COL6A5: variants seen among roughly 807,000 people sequenced by gnomAD.
COL6A5 encodes collagen type VI alpha 5 chain, also known as collagen alpha-5(VI) chain.
A neutral mutation model predicts 65.6 loss-of-function variants in COL6A5; 48 were observed. That is an observed-to-expected ratio of 0.73 (90% CI 0.58 to 0.93). The LOEUF (loss-of-function observed/expected upper bound fraction) is 0.93. Ranked by LOEUF, COL6A5 falls within the 40% of genes least tolerant of loss-of-function variation. The pLI is 0.00. For synonymous variants in COL6A5, 291 were observed against 322.8 expected, an observed-to-expected ratio of 0.90 and a Z score of 1.05; for missense variants, 914 against 928.3, an observed-to-expected ratio of 0.98 and a Z score of 0.20.
chr3:130,416,779 C>T (rs1296370900), exon 24 of COL6A5: 3 of 1,535,302 alleles, frequency 2.0e-6, no homozygotes, highest in East Asian at 5.0e-5. Context: ...CTAATGGGAG[C>T]TAAAGGGAGC....
intron 10 of COL6A5, among the ~76,000 whole-genome samples, chr3:130,400,507 A>G (rs1164431924): frequency 6.6e-6 from 1 of 152,272 alleles, no homozygotes; most frequent in Non-Finnish European, 1.5e-5. Context: ...AGATGAATTA[A>G]TGAATGAACT....
exon 3 of COL6A5, chr3:130,440,350 T>C: frequency 6.2e-7 from 1 of 1,613,496 alleles, no homozygotes; most frequent in Non-Finnish European, 8.5e-7. Context: ...TCTCAGACTC[T>C]GGTGATAGGA....
intron 1 of COL6A5, among the ~76,000 whole-genome samples, chr3:130,438,602 T>G (rs1374823917): frequency 6.6e-6 from 1 of 152,154 alleles, no homozygotes; most frequent in Non-Finnish European, 1.5e-5. Flanking sequence ...GCTGGAATGA[T>G]TATAAATATT....
At chr3:130,472,832 C>CAT (rs10654631) in intron 7 of COL6A5, among the ~76,000 whole-genome samples, 5,348 of 99,338 alleles carry the variant, frequency 0.054, 362 homozygotes, top group African/African-American at 0.15. Flanking sequence ...TGTGTGTATA[C>CAT]ATATATATAT....
At chr3:130,391,094 C>A in intron 6 of COL6A5, 85 bp from the exon 7 acceptor site, 1 of 923,596 alleles carries the variant, frequency 1.1e-6, no homozygotes. Context: ...AGGCTCATGG[C>A]AAATGCCAGT....
In COL6A5 at chr3:130,483,185, T is replaced by C. The variant is rs539408642; in HGVS notation, c.2329-850T>C. On this transcript the variant is annotated intron_variant, in intron 7 of 7. Coordinates refer to ENST00000512836, the Ensembl canonical transcript of COL6A5. Reference sequence around the variant, plus strand: ...ACAGACAAGAAAATGCTGAGAGATTTTGTCACCACCAGGCCTGCCTTACAA... The same window carrying C: ...ACAGACAAGAAAATGCTGAGAGATTCTGTCACCACCAGGCCTGCCTTACAA... 2.2e-4 allele frequency among the ~76,000 whole-genome samples: 33 copies of C among 152,232 alleles called. 1 individual carries two copies. In the East Asian group the frequency reaches 6.2e-3, roughly 29 times the overall value.
chr3:130,428,962 T>C (rs1937679701), upstream of COL6A5, among the ~76,000 whole-genome samples: 1 of 152,342 alleles, frequency 6.6e-6, no homozygotes, highest in South Asian at 2.1e-4. Context: ...TTCTTAAAGA[T>C]GTATCAATAC....
intron 29 of COL6A5, among the ~76,000 whole-genome samples, chr3:130,424,697 T>C (rs942792502): frequency 6.6e-6 from 1 of 152,144 alleles, no homozygotes; most frequent in Non-Finnish European, 1.5e-5. Context: ...ACTGAATCCA[T>C]ATTAGAATGA....
chr3:130,391,713 T>G, exon 7 of COL6A5: 1 of 1,551,468 alleles, frequency 6.4e-7, no homozygotes, highest in South Asian at 1.2e-5. Context: ...AAAGATGTTT[T>G]CACACTTGTT....
upstream of COL6A5, chr3:130,429,695 A>G: frequency 1.2e-6 from 1 of 822,290 alleles, no homozygotes; most frequent in Non-Finnish European, 1.9e-6. Flanking sequence ...TCTTCCTTCT[A>G]TGCAGACAGT....
intron 4 of COL6A5, 53 bp from the exon 5 acceptor site, chr3:130,384,751 T>C: frequency 1.4e-6 from 2 of 1,419,110 alleles, no homozygotes; most frequent in East Asian, 5.0e-5. Context: ...CAAACCCTCT[T>C]GCAAAGTTCT....
Position 130,347,841 on chromosome 3 carries a change from C to A in COL6A5, c.-29+1860C>A, listed in dbSNP as rs539780813. Among the ~76,000 whole-genome samples the A allele has an allele frequency of 3.3e-5, 5 of 152,274 alleles. No individual in the cohort carries two copies. The East Asian group carries it at 9.7e-4, about 29-fold the overall frequency. ...TGTCAATCTTGTAGGATCTCAGATC[C>A]AGTACACACTGAGCAAGTGGAAAGT... is the stretch of plus-strand genomic sequence containing the variant. On this transcript the variant is annotated intron_variant and NMD_transcript_variant, in intron 1 of 41. Coordinates refer to the COL6A5 transcript ENST00000312481.
chr3:130,440,036 T>C, intron 2 of COL6A5, 130 bp from the exon 35 acceptor site: 2 of 765,860 alleles, frequency 2.6e-6, no homozygotes, highest in Admixed American at 2.9e-5. Flanking sequence ...ATTTAAATTA[T>C]GTGAGATCAA....
At chr3:130,388,592 T>C (rs1467828586) in exon 6 of COL6A5, 2 of 1,542,458 alleles carry the variant, frequency 1.3e-6, no homozygotes, top group African/African-American at 2.8e-5. Context: ...TGTGAAGACA[T>C]GAAGGCCGAC....
chr3:130,444,818 C>A lies in COL6A5; in HGVS notation c.1332+1252C>A, dbSNP rs570111787. The stretch of plus-strand genomic sequence containing the variant: ...ATGGATAAGTGAGCTTGAGAGGATT[C>A]AAAAATTTGTTTTTTAAATTTAGTT... On this transcript the variant is annotated intron_variant, in intron 4 of 7. Transcript: ENST00000512836. 1.5e-3 allele frequency among the ~76,000 whole-genome samples: 233 copies of A among 152,248 alleles called. 1 individual carries two copies. Among genetic ancestry groups the A allele is most frequent in the African/African-American group, 4.3e-3 (180 of 41,570 alleles).
At chr3:130,450,320 C>T (rs374801733) in intron 4 of COL6A5, among the ~76,000 whole-genome samples, 2 of 152,032 alleles carry the variant, frequency 1.3e-5, no homozygotes, top group African/African-American at 4.8e-5. Context: ...TTTACCTTTG[C>T]GACAACGTGG....
Position 130,468,811 on chromosome 3 carries a change from CAGAAA to C in COL6A5, c.1566_1570del (p.Lys523ArgfsTer7), listed in dbSNP as rs753927704. On this transcript the variant is annotated frameshift_variant, in exon 6 of 8. Coordinates refer to ENST00000512836, the Ensembl canonical transcript of COL6A5. LOFTEE classifies it high-confidence loss of function. ...CTGTTGCAGGACATGAAAATTATGG[CAGAAA>C]AGAAGAACCAGATCATACTTATGAA... 2.5e-6 allele frequency: 4 copies of C among 1,607,136 alleles called. No homozygotes were observed. Among genetic ancestry groups the C allele is most frequent in the Non-Finnish European group, 3.4e-6 (4 of 1,176,592 alleles).
exon 4 of COL6A5, chr3:130,379,458 C>A (rs761224380): frequency 3.9e-6 from 6 of 1,551,116 alleles, no homozygotes; most frequent in Admixed American, 3.9e-5. Flanking sequence ...CACTCGCTGA[C>A]CTCGTGTTCC....
intron 1 of COL6A5, among the ~76,000 whole-genome samples, chr3:130,371,739 A>G (rs1381245694): frequency 1.3e-5 from 2 of 152,132 alleles, no homozygotes; most frequent in Non-Finnish European, 2.9e-5. Flanking sequence ...AAAACATACA[A>G]GTAACTCTTC....
Sources: gnomAD v4.1 joint callset for allele counts (sites outside exome capture counted in the v4.1 genomes callset) on GRCh38, gnomAD v4.1.1 for gene constraint, MANE v1.5 for transcripts, NCBI Gene and HGNC (gene_info 2026-07-23, HGNC 2026-07-21) for gene names.